Variants in SRPK2 observed in about 807,000 individuals in gnomAD.
SRPK2 encodes SRSF protein kinase 2.
A neutral mutation model predicts 90.8 loss-of-function variants in SRPK2; 21 were observed. The ratio of observed to expected loss-of-function variants is 0.23; its 90% confidence interval spans 0.16 to 0.33. SRPK2 has a LOEUF of 0.33. Among genes scored for constraint, SRPK2 ranks in the 10% least tolerant of loss-of-function variants. The pLI is 1.00. For missense variants in SRPK2, 620 were observed against 869.0 expected (o/e 0.71, Z 3.60); for synonymous variants, 288 against 311.1 (o/e 0.93, Z 0.78).
In SRPK2 at chr7:105,292,633, A is replaced by G. The variant is rs1019447526; in HGVS notation, c.72-88848T>C. Among the ~76,000 whole-genome samples, 10 of 152,168 alleles carry G rather than the reference A, an allele frequency of 6.6e-5. No individual in the cohort carries two copies. The East Asian group carries it at 1.3e-3, about 21-fold the overall frequency. On this transcript the variant is annotated intron_variant, in intron 2 of 15. Coordinates refer to ENST00000393651, the MANE Select transcript of SRPK2 (RefSeq NM_182692.3). Reference sequence around the variant, plus strand: ...CTGAAGATCTGCTACTTCTGCACCAATGGTGCCATATTGGGACAGCGCTTT... The same window carrying G: ...CTGAAGATCTGCTACTTCTGCACCAGTGGTGCCATATTGGGACAGCGCTTT...
At position 105,188,614 on chromosome 7, in the gene SRPK2, T is replaced by G. The variant is rs190272221; in HGVS notation, c.229+15014A>C. 7.9e-5 allele frequency among the ~76,000 whole-genome samples: 12 copies of G among 152,332 alleles called. No homozygotes were observed. The East Asian group carries it at 1.7e-3, about 22-fold the overall frequency. On this transcript the variant is annotated intron_variant, in intron 3 of 15. Transcript: ENST00000393651. ...CTGGAACTCCATTACTTCATTTCAC[T>G]CTTTTCAATTCCAGGTTAAAACAGG...
intron 2 of SRPK2, among the ~76,000 whole-genome samples, chr7:105,248,946 A>T (rs1025236487): frequency 6.6e-6 from 1 of 152,114 alleles, no homozygotes; most frequent in African/African-American, 2.4e-5. Flanking sequence ...AAAAAATTCA[A>T]AGGTTAAACC....
intron 2 of SRPK2, among the ~76,000 whole-genome samples, chr7:105,230,018 G>A (rs1351484198): frequency 2.6e-5 from 4 of 152,234 alleles, no homozygotes; most frequent in Non-Finnish European, 5.9e-5. Context: ...ATTTTAGCCA[G>A]CAGTGGGGAA....
intron 2 of SRPK2, among the ~76,000 whole-genome samples, chr7:105,222,814 G>A (rs555940490): frequency 6.6e-5 from 10 of 152,158 alleles, no homozygotes; most frequent in African/African-American, 2.4e-4. Context: ...GAATGATATG[G>A]CCTCTGACCT....
chr7:105,248,187 G>A (rs943632551), intron 2 of SRPK2, among the ~76,000 whole-genome samples: 5 of 152,130 alleles, frequency 3.3e-5, no homozygotes, highest in East Asian at 3.9e-4. Flanking sequence ...CTCCGGAAAA[G>A]GTTGGTACTA....
chr7:105,268,970 A>G, intron 2 of SRPK2: 1 of 1,421,462 alleles, frequency 7.0e-7, no homozygotes, highest in Non-Finnish European at 9.4e-7. Context: ...GTTCAGAATG[A>G]GGCCACAAGA....
At chr7:105,323,872 G>C (rs963648360) in intron 2 of SRPK2, among the ~76,000 whole-genome samples, 3 of 152,116 alleles carry the variant, frequency 2.0e-5, no homozygotes, top group Non-Finnish European at 4.4e-5. Context: ...CATTCTTCCA[G>C]ATATGAAAGA....
chr7:105,132,907 G>C lies in SRPK2; in HGVS notation c.1645-9C>G. 1.2e-6 allele frequency: 2 copies of C among 1,612,962 alleles called. No individual in the cohort carries two copies. Among genetic ancestry groups the C allele is most frequent in the South Asian group, 2.2e-5 (2 of 90,996 alleles). On this transcript the variant is annotated splice_polypyrimidine_tract_variant and intron_variant, in intron 12 of 15. Coordinates refer to ENST00000393651, the MANE Select transcript of SRPK2 (RefSeq NM_182692.3). The stretch of plus-strand genomic sequence containing the variant: ...TCCGTGAAGTGTTTATGCTGGAAGG[G>C]AACAGGCTGCATTACCACGGAGCAA...
intron 2 of SRPK2, among the ~76,000 whole-genome samples, chr7:105,288,868 T>C (rs1476850743): frequency 6.6e-6 from 1 of 152,110 alleles, no homozygotes; most frequent in Non-Finnish European, 1.5e-5. Flanking sequence ...CTTAGGAAGC[T>C]GCTGCGTACC....
In SRPK2 at chr7:105,168,092, C is replaced by G; in HGVS notation, c.342G>C (p.Gly114=). ...CAACTTTCATTGCAACAAATCTTTTCCCCCTAAAAGAAAAAACAAAAAAAG... is the reference window on the plus strand; with the variant it reads ...CAACTTTCATTGCAACAAATCTTTTGCCCCTAAAAGAAAAAACAAAAAAAG... The part of the protein sequence containing the change: ...STVWLCWDMQ[G]KRFVAMKVVK... Residue 114 remains glycine, a synonymous_variant, in exon 5 of 16, where the codon GGG becomes GGC. Coordinates refer to ENST00000393651, the MANE Select transcript of SRPK2 (RefSeq NM_182692.3). 1 of 1,609,092 alleles carries G rather than the reference C, an allele frequency of 6.2e-7. No homozygotes were observed. Among genetic ancestry groups the G allele is most frequent in the Non-Finnish European group, 8.5e-7 (1 of 1,177,150 alleles).
intron 2 of SRPK2, among the ~76,000 whole-genome samples, chr7:105,353,986 T>C (rs887805921): frequency 6.6e-6 from 1 of 152,168 alleles, no homozygotes; most frequent in East Asian, 1.9e-4. Flanking sequence ...CCTGAGCAGT[T>C]GTGGCTGTCA....
At chr7:105,284,011 A>C (rs1807695825) in intron 2 of SRPK2, among the ~76,000 whole-genome samples, 1 of 152,164 alleles carries the variant, frequency 6.6e-6, no homozygotes, top group African/African-American at 2.4e-5. Flanking sequence ...ACAAACAAAC[A>C]AACAAAAAAT....
intron 7 of SRPK2, among the ~76,000 whole-genome samples, chr7:105,153,686 C>T (rs1320109494): frequency 1.3e-5 from 2 of 152,072 alleles, no homozygotes. Flanking sequence ...TTTCTTCCTC[C>T]CACACCTGAA....
upstream of SRPK2, chr7:105,388,927 G>A (rs1360333198): frequency 5.0e-6 from 6 of 1,190,002 alleles, no homozygotes; most frequent in East Asian, 7.4e-5. Context: ...CGCCTGCGCC[G>A]CCGCCGCCGC....
chr7:105,220,842 T>C (rs1019968254), intron 2 of SRPK2, among the ~76,000 whole-genome samples: 1 of 152,194 alleles, frequency 6.6e-6, no homozygotes, highest in African/African-American at 2.4e-5. Context: ...CCATCTTGAA[T>C]TGTTTAAAAT....
intron 8 of SRPK2, 92 bp downstream of exon 8, chr7:105,146,401 G>GTGTAA: frequency 7.5e-7 from 1 of 1,335,284 alleles, no homozygotes; most frequent in Non-Finnish European, 1.0e-6. Flanking sequence ...TCTTCCTTAT[G>GTGTAA]TGTAACGTTT....
At chr7:105,364,639 T>C (rs766882687) in intron 2 of SRPK2, among the ~76,000 whole-genome samples, 2 of 152,064 alleles carry the variant, frequency 1.3e-5, no homozygotes, top group African/African-American at 2.4e-5. Context: ...CCTGATCTCG[T>C]GATCCGCCTG....
intron 2 of SRPK2, among the ~76,000 whole-genome samples, chr7:105,254,673 T>G (rs74776606): frequency 0.13 from 20,210 of 151,984 alleles, 1,772 homozygotes; most frequent in East Asian, 0.25. Context: ...TTGTTTTTTT[T>G]TTGTTGTTGT....
At chr7:105,378,936 T>C (rs867010138) in intron 2 of SRPK2, among the ~76,000 whole-genome samples, 7 of 151,966 alleles carry the variant, frequency 4.6e-5, no homozygotes, top group Non-Finnish European at 1.0e-4. Context: ...GAGAGTAAAG[T>C]AGTTCAATCA....
Sources: gnomAD v4.1 joint callset for allele counts (sites outside exome capture counted in the v4.1 genomes callset) on GRCh38, gnomAD v4.1.1 for gene constraint, MANE v1.5 for transcripts, NCBI Gene and HGNC (gene_info 2026-07-23, HGNC 2026-07-21) for gene names.